Variants in PREX1 observed in about 807,000 individuals in gnomAD.
PREX1 encodes the protein phosphatidylinositol-3,4,5-trisphosphate dependent Rac exchange factor 1.
In PREX1, 41 loss-of-function variants were observed where a neutral mutation model predicts 198.3. That is an observed-to-expected ratio of 0.21 (90% CI 0.16 to 0.27). The LOEUF (loss-of-function observed/expected upper bound fraction) is 0.27. Ranked by LOEUF, PREX1 falls within the 10% of genes least tolerant of loss-of-function variation. PREX1 has a pLI of 1.00. For synonymous variants in PREX1, 843 were observed against 887.2 expected (o/e 0.95, Z 0.89); for missense variants, 1,620 against 2,200.7 (o/e 0.74, Z 5.28).
At chr20:48,749,123 T>A (rs974148809) in intron 1 of PREX1, among the ~76,000 whole-genome samples, 1 of 151,508 alleles carries the variant, frequency 6.6e-6, no homozygotes, top group African/African-American at 2.4e-5. Flanking sequence ...GACAGCAGAG[T>A]CAGCACCTAA....
At chr20:48,873,611 T>G in the PREX1 span, among the ~76,000 whole-genome samples, 1 of 149,056 alleles carries the variant, frequency 6.7e-6, no homozygotes, top group Non-Finnish European at 1.5e-5. Context: ...TCCCAGCTAC[T>G]TGGGAGGCTG....
At chr20:48,761,603 T>C (rs549389880) in intron 1 of PREX1, among the ~76,000 whole-genome samples, 118 of 152,064 alleles carry the variant, frequency 7.8e-4, no homozygotes, top group Middle Eastern at 3.4e-3. Flanking sequence ...TGAAGAGGTC[T>C]GATGCAACAG....
chr20:48,864,353 G>T, the PREX1 span, among the ~76,000 whole-genome samples: 2 of 152,166 alleles, frequency 1.3e-5, no homozygotes, highest in African/African-American at 4.8e-5. Flanking sequence ...CGTTACTGGG[G>T]TTAATATTCC....
intron 30 of PREX1, among the ~76,000 whole-genome samples, chr20:48,638,429 G>C (rs1325670542): frequency 6.6e-6 from 1 of 152,154 alleles, no homozygotes; most frequent in Admixed American, 6.5e-5. Flanking sequence ...TGCAAAAAAA[G>C]CTCAATTCTT....
chr20:48,778,425 C>CAAAA (rs35297652), intron 1 of PREX1, among the ~76,000 whole-genome samples: 29 of 117,518 alleles, frequency 2.5e-4, no homozygotes, highest in African/African-American at 8.9e-4. Flanking sequence ...AGTCAAAAAT[C>CAAAA]AAAAAAAAAA....
At chr20:48,866,701 C>T in the PREX1 span, among the ~76,000 whole-genome samples, 2 of 152,106 alleles carry the variant, frequency 1.3e-5, no homozygotes, top group East Asian at 1.9e-4. Context: ...CAGAGGTGGG[C>T]GGGTCGCTTG....
intron 1 of PREX1, among the ~76,000 whole-genome samples, 189 bp from the exon 2 acceptor site, chr20:48,748,069 C>T (rs2090117505): frequency 6.6e-6 from 1 of 152,112 alleles, no homozygotes; most frequent in Admixed American, 6.5e-5. Context: ...AGCCCTCACT[C>T]CCACACGGTC....
chr20:48,737,797 A>G (rs1480076237), intron 3 of PREX1, among the ~76,000 whole-genome samples: 1 of 152,152 alleles, frequency 6.6e-6, no homozygotes, highest in Non-Finnish European at 1.5e-5. Flanking sequence ...AGCCCCTCCC[A>G]TTCTCCAAGA....
upstream of PREX1, among the ~76,000 whole-genome samples, chr20:48,832,068 G>T (rs1046167177): frequency 6.6e-6 from 1 of 151,584 alleles, no homozygotes; most frequent in East Asian, 1.9e-4. Context: ...GCCTGAAACA[G>T]CCGGCAGCTG....
intron 13 of PREX1, among the ~76,000 whole-genome samples, chr20:48,678,181 G>C (rs1208750104): frequency 2.6e-5 from 4 of 152,072 alleles, no homozygotes; most frequent in Admixed American, 6.5e-5. Flanking sequence ...GGGCCTGGTG[G>C]TAGGCACCTG....
At chr20:48,688,854 G>C (rs773110799) in intron 9 of PREX1, 50 bp from the exon 10 acceptor site, 5 of 1,608,364 alleles carry the variant, frequency 3.1e-6, no homozygotes, top group Non-Finnish European at 4.2e-6. Flanking sequence ...CCCAGGGCAG[G>C]GGGGGTAGGG....
intron 7 of PREX1, among the ~76,000 whole-genome samples, chr20:48,698,903 G>A (rs1005140735): frequency 1.1e-4 from 16 of 152,328 alleles, no homozygotes; most frequent in East Asian, 1.9e-4. Context: ...TCTGTTTTAC[G>A]GATGAGGAAA....
At chr20:48,637,323 T>C (rs1034036812) in intron 31 of PREX1, among the ~76,000 whole-genome samples, 4 of 152,230 alleles carry the variant, frequency 2.6e-5, no homozygotes, top group African/African-American at 9.6e-5. Flanking sequence ...GGCTAATTTC[T>C]AGAAAGAAGG....
At chr20:48,657,336 A>G (rs1309903401) in intron 17 of PREX1, 148 bp from the exon 18 acceptor site, 2 of 982,082 alleles carry the variant, frequency 2.0e-6, no homozygotes, top group Non-Finnish European at 3.0e-6. Flanking sequence ...TGTGGTAAGC[A>G]GTTGAGGGGC....
chr20:48,717,982 G>C (rs61291953), intron 5 of PREX1, among the ~76,000 whole-genome samples: 25,065 of 152,260 alleles, frequency 0.16, 2,281 homozygotes, highest in Middle Eastern at 0.29. Flanking sequence ...CTGGACTTGC[G>C]TTTCCACCTT....
intron 12 of PREX1, 91 bp from the exon 13 acceptor site, chr20:48,679,500 C>A (rs539894884): frequency 6.9e-7 from 1 of 1,454,746 alleles, no homozygotes; most frequent in African/African-American, 1.4e-5. Flanking sequence ...GCTTCCAGGA[C>A]GGGGCAGGGC....
intron 21 of PREX1, among the ~76,000 whole-genome samples, chr20:48,651,956 C>T (rs1237995177): frequency 6.6e-6 from 1 of 152,168 alleles, no homozygotes; most frequent in Admixed American, 6.5e-5. Flanking sequence ...GGAGCTGAAA[C>T]GGGCAAGGAA....
intron 1 of PREX1, among the ~76,000 whole-genome samples, chr20:48,753,880 C>A (rs979731063): frequency 6.6e-6 from 1 of 152,214 alleles, no homozygotes; most frequent in Non-Finnish European, 1.5e-5. Flanking sequence ...AACCCTGTTA[C>A]CCTTCACAGA....
intron 1 of PREX1, among the ~76,000 whole-genome samples, chr20:48,767,471 C>G (rs532412227): frequency 1.6e-4 from 24 of 152,174 alleles, no homozygotes; most frequent in Non-Finnish European, 3.1e-4. Flanking sequence ...AAGTCCCCAC[C>G]TGTCAGCGGG....
Sources: allele counts gnomAD v4.1 joint callset (sites outside exome capture counted in the v4.1 genomes callset), GRCh38; gene constraint gnomAD v4.1.1; transcripts MANE v1.5; gene names NCBI Gene and HGNC (gene_info 2026-07-23, HGNC 2026-07-21).